The following FTO variants were observed in gnomAD, a reference collection of about 807,000 sequenced individuals.
The protein encoded by FTO is alpha-ketoglutarate-dependent dioxygenase FTO.
FTO carries 47 observed loss-of-function variants against 63.9 expected under a neutral mutation model. The observed-to-expected ratio is 0.74, with a 90% CI of 0.58 to 0.94. The LOEUF is 0.94. Ranked by LOEUF, FTO falls within the 40% of genes least tolerant of loss-of-function variation. FTO has a pLI of 0.00. For synonymous variants in FTO, 207 were observed against 224.4 expected (o/e 0.92, Z 0.69); for missense variants, 562 against 618.1 (o/e 0.91, Z 0.96).
intron 8 of FTO, among the ~76,000 whole-genome samples, chr16:54,088,588 T>A (rs2086302337): frequency 6.6e-6 from 1 of 152,212 alleles, no homozygotes; most frequent in Admixed American, 6.5e-5. Flanking sequence ...AACTATGAGA[T>A]ATTTCGTATT....
chr16:54,020,927 C>T (rs1358104774), intron 8 of FTO, among the ~76,000 whole-genome samples: 2 of 152,016 alleles, frequency 1.3e-5, no homozygotes, highest in African/African-American at 4.8e-5. Flanking sequence ...GTCAAGATGG[C>T]ACCACTGTAC....
At chr16:53,921,695 C>T (rs2082010763) in intron 7 of FTO, among the ~76,000 whole-genome samples, 1 of 152,104 alleles carries the variant, frequency 6.6e-6, no homozygotes, top group African/African-American at 2.4e-5. Context: ...GTGAAATGTA[C>T]AGGTATGTCC....
chr16:53,903,766 A>G (rs2081464497), intron 7 of FTO, among the ~76,000 whole-genome samples: 1 of 152,172 alleles, frequency 6.6e-6, no homozygotes, highest in African/African-American at 2.4e-5. Flanking sequence ...CTAATACATA[A>G]CGTTTTTCAC....
At chr16:53,786,469 G>T (rs1005563535) in intron 1 of FTO, among the ~76,000 whole-genome samples, 1 of 152,130 alleles carries the variant, frequency 6.6e-6, no homozygotes, top group Non-Finnish European at 1.5e-5. Context: ...TTCAAAACTG[G>T]CTCTTGAATG....
At chr16:53,943,897 C>T (rs1029809128) in intron 8 of FTO, among the ~76,000 whole-genome samples, 3 of 152,158 alleles carry the variant, frequency 2.0e-5, no homozygotes, top group Non-Finnish European at 2.9e-5. Context: ...TTCAATTATC[C>T]GTACCGTGGT....
intron 6 of FTO, among the ~76,000 whole-genome samples, chr16:53,882,001 C>A (rs558213143): frequency 1.3e-5 from 2 of 152,050 alleles, no homozygotes; most frequent in Non-Finnish European, 2.9e-5. Context: ...CAGCTTTATA[C>A]ATTTTCTAAT....
At chr16:53,861,778 T>C (rs562462514) in intron 4 of FTO, among the ~76,000 whole-genome samples, 14 of 152,204 alleles carry the variant, frequency 9.2e-5, no homozygotes, top group Non-Finnish European at 1.5e-4. Context: ...AAATTCTTGA[T>C]TGTTCTCTTG....
intron 2 of FTO, among the ~76,000 whole-genome samples, chr16:53,823,564 ACT>A (rs1452284827): frequency 7.4e-6 from 1 of 134,900 alleles, no homozygotes; most frequent in African/African-American, 2.8e-5. Flanking sequence ...TCTACAGTGA[ACT>A]CTTCATTTCC....
Position 54,118,371 on chromosome 16 carries a change from T to TC in FTO, c.*6456_*6457insC. The TC allele has an allele frequency of 6.6e-6, 1 of 151,458 alleles. No homozygotes were observed. Among genetic ancestry groups the TC allele is most frequent in the Non-Finnish European group, 1.5e-5 (1 of 67,832 alleles). 9.4% of individuals were successfully genotyped at this position (151,458 alleles called of 1,614,324 possible). A position where few individuals can be genotyped will look rare whatever the true frequency, so the allele number is the denominator to read the frequency against. ...ACACAGTCTTTTTTTTTTTTCTTTT[T>TC]TTTTTTCAGACAGGGTCTCACCCTG... On this transcript the variant is annotated 3_prime_UTR_variant, in exon 9 of 9. Transcript: ENST00000471389.
intron 1 of FTO, among the ~76,000 whole-genome samples, chr16:53,718,000 A>AT (rs2075937613): frequency 6.6e-6 from 1 of 151,916 alleles, no homozygotes; most frequent in Admixed American, 6.6e-5. Context: ...GACAACCTAA[A>AT]TTTTTTCCCA....
At chr16:53,936,388 C>G (rs940137097) in intron 8 of FTO, among the ~76,000 whole-genome samples, 4 of 152,202 alleles carry the variant, frequency 2.6e-5, no homozygotes, top group African/African-American at 9.7e-5. Context: ...TCTCCACCTC[C>G]ATTTGATGTT....
At chr16:53,801,250 T>A (rs1031043847) in intron 1 of FTO, among the ~76,000 whole-genome samples, 7 of 152,022 alleles carry the variant, frequency 4.6e-5, no homozygotes, top group South Asian at 2.1e-4. Context: ...GTTTTTTTTT[T>A]ATGTTGGTTT....
chr16:53,983,660 G>A (rs2083599765), intron 8 of FTO, among the ~76,000 whole-genome samples: 1 of 151,992 alleles, frequency 6.6e-6, no homozygotes, highest in African/African-American at 2.4e-5. Flanking sequence ...GCAGAAGCCG[G>A]CAGGTAATGT....
chr16:53,914,880 G>A (rs1031662159), intron 7 of FTO, among the ~76,000 whole-genome samples: 1 of 152,042 alleles, frequency 6.6e-6, no homozygotes, highest in Admixed American at 6.5e-5. Flanking sequence ...GAGCACAAGC[G>A]CACCATACTT....
intron 1 of FTO, among the ~76,000 whole-genome samples, chr16:53,760,824 A>C (rs2077049047): frequency 6.7e-6 from 1 of 149,026 alleles, no homozygotes; most frequent in South Asian, 2.1e-4. Flanking sequence ...ACAGGGTTTC[A>C]CCATGTTGGC....
intron 8 of FTO, among the ~76,000 whole-genome samples, chr16:53,934,650 C>CG (rs1567452105): frequency 6.6e-6 from 1 of 152,080 alleles, no homozygotes; most frequent in African/African-American, 2.4e-5. Context: ...GTCTGTTGCT[C>CG]GGGGGCTGCA....
At chr16:53,714,953 C>G (rs888734473) in intron 1 of FTO, among the ~76,000 whole-genome samples, 2 of 152,102 alleles carry the variant, frequency 1.3e-5, no homozygotes, top group South Asian at 2.1e-4. Flanking sequence ...AACGAAGACA[C>G]GCACACTTTA....
intron 4 of FTO, among the ~76,000 whole-genome samples, chr16:53,873,245 G>A (rs2080549995): frequency 6.6e-6 from 1 of 152,052 alleles, no homozygotes; most frequent in African/African-American, 2.4e-5. Context: ...AGTGAAAGAA[G>A]CTCAATTCAT....
intron 8 of FTO, chr16:53,991,943 G>A (rs138689063): frequency 1.3e-5 from 2 of 152,122 alleles, no homozygotes; most frequent in African/African-American, 4.8e-5. Context: ...GTAGGATGGG[G>A]AAGAAAACCA....
Sources: allele counts gnomAD v4.1 joint callset (sites outside exome capture counted in the v4.1 genomes callset), GRCh38; gene constraint gnomAD v4.1.1; transcripts MANE v1.5; gene names NCBI Gene and HGNC (gene_info 2026-07-23, HGNC 2026-07-21).